RAD50: variants seen among roughly 807,000 people sequenced by gnomAD.
RAD50 encodes the protein DNA repair protein RAD50.
Under a neutral mutation model 168.8 loss-of-function variants are expected in RAD50, and 132 were observed. The ratio of observed to expected loss-of-function variants is 0.78; its 90% CI spans 0.68 to 0.90. The LOEUF is 0.90. Among genes scored for constraint, RAD50 ranks in the 40% least tolerant of loss-of-function variants. The probability of loss-of-function intolerance (pLI) is 0.00; values close to 1 mark genes in which losing one functional copy is unlikely to be tolerated. For synonymous variants in RAD50, 525 were observed against 497.4 expected (o/e 1.06, Z -0.74); for missense variants, 1,347 against 1,534.4 (o/e 0.88, Z 2.04).
At chr5:132,592,792 A>G (rs540236288) in intron 11 of RAD50, 18 of 470,290 alleles carry the variant, frequency 3.8e-5, no homozygotes, top group South Asian at 2.2e-4. Context: ...ACATTCCATC[A>G]CCTCCTGTTA....
intron 21 of RAD50, among the ~76,000 whole-genome samples, chr5:132,622,142 A>G (rs1283443024): frequency 2.0e-5 from 3 of 151,542 alleles, no homozygotes; most frequent in Admixed American, 2.0e-4. Context: ...GTTCTTTTTC[A>G]GAAACTCACA....
rs146358297 is a variant in RAD50, at chr5:132,585,504, A to G, written c.757-2058A>G. ...TCATGTATTTATTTGCCACCTGAAT[A>G]TCTTCGTTAGTAAAATATAAAAGTC... On this transcript the variant is annotated intron_variant, in intron 5 of 24. Coordinates refer to ENST00000378823, the MANE Select transcript of RAD50 (RefSeq NM_005732.4). Among the ~76,000 whole-genome samples the G allele has an allele frequency of 3.8e-3, 572 of 151,362 alleles. 1 individual carries two copies. Among genetic ancestry groups the G allele is most frequent in the African/African-American group, 0.013 (527 of 41,260 alleles).
chr5:132,580,265 G>A (rs1750483176), intron 5 of RAD50, among the ~76,000 whole-genome samples, 199 bp downstream of exon 5: 2 of 152,090 alleles, frequency 1.3e-5, no homozygotes, highest in Admixed American at 6.6e-5. Flanking sequence ...TCACAGTGAT[G>A]TACAGTAGTT....
At position 132,599,305 on chromosome 5, in the gene RAD50, C is replaced by T. The variant is rs147974050; in HGVS notation, c.2207+3495C>T. Among the ~76,000 whole-genome samples, 4 of 152,180 alleles carry T rather than the reference C, an allele frequency of 2.6e-5. No individual in the cohort carries two copies. In the East Asian group the frequency reaches 7.7e-4, roughly 29 times the overall value. Reference sequence around the variant, plus strand: ...CTGGCAGGGCTGCTAAGTGAGGACACATGTGTGAGGAAACCATTTTTATAA... The same window carrying T: ...CTGGCAGGGCTGCTAAGTGAGGACATATGTGTGAGGAAACCATTTTTATAA... On this transcript the variant is annotated intron_variant, in intron 13 of 24. Coordinates refer to ENST00000378823, the MANE Select transcript of RAD50 (RefSeq NM_005732.4).
chr5:132,635,916 C>T (rs1751571843), intron 21 of RAD50, among the ~76,000 whole-genome samples: 1 of 152,170 alleles, frequency 6.6e-6, no homozygotes, highest in South Asian at 2.1e-4. Flanking sequence ...GTTGCATTCT[C>T]ATCAACAAGC....
intron 21 of RAD50, among the ~76,000 whole-genome samples, chr5:132,624,600 T>C (rs1321398618): frequency 6.6e-6 from 1 of 152,180 alleles, no homozygotes; most frequent in African/African-American, 2.4e-5. Context: ...CAGATTTTTG[T>C]TGGTAAAAAC....
At chr5:132,626,533 C>T (rs1298794156) in intron 21 of RAD50, among the ~76,000 whole-genome samples, 1 of 152,096 alleles carries the variant, frequency 6.6e-6, no homozygotes, top group Non-Finnish European at 1.5e-5. Flanking sequence ...CGATTTAGTC[C>T]AGCTTCCTTT....
At chr5:132,615,976 G>A (rs1321368810) in intron 19 of RAD50, 27 bp from the exon 20 acceptor site, 1 of 1,557,178 alleles carries the variant, frequency 6.4e-7, no homozygotes, top group East Asian at 2.3e-5. Context: ...GGTTATTTTT[G>A]TTAACTAATT....
At chr5:132,638,977 C>CT (rs1187543550) in intron 23 of RAD50, among the ~76,000 whole-genome samples, 1 of 152,138 alleles carries the variant, frequency 6.6e-6, no homozygotes, top group African/African-American at 2.4e-5. Context: ...AGGCCCTTGA[C>CT]TTTTTTTAAA....
At chr5:132,608,834 A>C in intron 17 of RAD50, 109 bp downstream of exon 17, 1 of 1,434,752 alleles carries the variant, frequency 7.0e-7, no homozygotes, top group Non-Finnish European at 9.3e-7. Flanking sequence ...TAAGATAAAT[A>C]GTATTTTCAG....
intron 19 of RAD50, among the ~76,000 whole-genome samples, chr5:132,614,483 GGGATTGGTTCCA>G (rs1751140599): frequency 6.6e-6 from 1 of 151,494 alleles, no homozygotes; most frequent in African/African-American, 2.4e-5. Flanking sequence ...ATCTCTGGGA[GGGATTGGTTCCA>G]GGATCCCCCG....
chr5:132,584,898 G>GAACA (rs1180881087), intron 5 of RAD50, among the ~76,000 whole-genome samples: 1 of 138,284 alleles, frequency 7.2e-6, no homozygotes, highest in African/African-American at 2.9e-5. Flanking sequence ...TGAACAATGA[G>GAACA]AACACTTGGA....
chr5:132,556,996 C>A lies in RAD50; in HGVS notation c.-329C>A, dbSNP rs181051197. The A allele has an allele frequency of 2.4e-6, 2 of 827,308 alleles. No homozygotes were observed. The highest frequency in any genetic ancestry group is 3.7e-5 in the East Asian group (1 of 27,388). 51.2% of individuals were successfully genotyped at this position (827,308 alleles called of 1,614,324 possible). ...AGGCCCACGTGATCCGCAGGGCGGC[C>A]GAGGCAGGAAGCTGTGAGTGCGCGG... On this transcript the variant is annotated 5_prime_UTR_variant, in exon 1 of 25. Transcript: ENST00000378823.
At chr5:132,630,367 G>A (rs1327753545) in intron 21 of RAD50, among the ~76,000 whole-genome samples, 2 of 152,192 alleles carry the variant, frequency 1.3e-5, no homozygotes, top group East Asian at 3.9e-4. Flanking sequence ...AAGACTCATT[G>A]TAAACACGTA....
chr5:132,585,404 G>T (rs1311458278), intron 5 of RAD50, among the ~76,000 whole-genome samples: 10 of 151,980 alleles, frequency 6.6e-5, no homozygotes, highest in Non-Finnish European at 1.5e-4. Flanking sequence ...ACATTGTGAG[G>T]TTGTATTTCT....
At chr5:132,620,477 CA>C (rs1201290889) in intron 21 of RAD50, among the ~76,000 whole-genome samples, 31 of 152,178 alleles carry the variant, frequency 2.0e-4, no homozygotes, top group African/African-American at 7.5e-4. Context: ...TTACATATAG[CA>C]GAATTTTCTT....
intron 1 of RAD50, among the ~76,000 whole-genome samples, chr5:132,558,535 A>T (rs1215759031): frequency 6.6e-6 from 1 of 151,770 alleles, no homozygotes; most frequent in Non-Finnish European, 1.5e-5. Context: ...ACGTGGCGAA[A>T]CCCCATCTCT....
Position 132,604,038 on chromosome 5 carries a change from T to TA in RAD50, c.2517dup (p.Asp840ArgfsTer5), listed in dbSNP as rs786201897. On this transcript the variant is annotated frameshift_variant, in exon 15 of 25. Transcript: ENST00000378823. LOFTEE classifies it high-confidence loss of function. ...GAGAAACAAGAGAAACAGCACAAGT[T>TA]AGACACAGGTAATACAGTCTGTGTC... The TA allele has an allele frequency of 3.1e-6, 5 of 1,613,642 alleles. No homozygotes were observed. In the Admixed American group the frequency reaches 5.0e-5, roughly 16 times the overall value.
At chr5:132,572,130 T>G (rs1750317596) in intron 2 of RAD50, among the ~76,000 whole-genome samples, 1 of 151,920 alleles carries the variant, frequency 6.6e-6, no homozygotes, top group South Asian at 2.1e-4. Context: ...AGAAGAAAAA[T>G]CATATGAGCA....
Sources: gnomAD v4.1 joint callset for allele counts (sites outside exome capture counted in the v4.1 genomes callset) on GRCh38, gnomAD v4.1.1 for gene constraint, MANE v1.5 for transcripts, NCBI Gene and HGNC (gene_info 2026-07-23, HGNC 2026-07-21) for gene names.